The following LOC112694756 variants were observed in gnomAD, a reference collection of about 807,000 sequenced individuals.
At chr16:30,069,807 C>G in the LOC112694756 span, 1 of 1,613,906 alleles carries the variant, frequency 6.2e-7, no homozygotes, top group Non-Finnish European at 8.5e-7. Flanking sequence ...CACAGCCCCT[C>G]TCGCCTCACC....
At chr16:30,054,638 T>C in the LOC112694756 span, 1 of 396,892 alleles carries the variant, frequency 2.5e-6, no homozygotes, top group Non-Finnish European at 4.4e-6. Flanking sequence ...CACAAGATAA[T>C]GAGTCAGGGT....
At chr16:30,067,300 C>T in the LOC112694756 span, 2 of 1,612,954 alleles carry the variant, frequency 1.2e-6, no homozygotes, top group Non-Finnish European at 1.7e-6. Flanking sequence ...GAAGAAGGAG[C>T]TGTCTGACAT....
chr16:30,058,895 TG>T, the LOC112694756 span: 3 of 398,082 alleles, frequency 7.5e-6, no homozygotes, highest in Non-Finnish European at 1.3e-5. Flanking sequence ...TCTAGGGCCT[TG>T]GGGACTCAGC....
the LOC112694756 span, chr16:30,058,959 GGA>G: frequency 2.0e-5 from 8 of 398,444 alleles, no homozygotes; most frequent in Non-Finnish European, 3.5e-5. Flanking sequence ...TTCTGGTGAT[GGA>G]GAGAGAGAAA....
the LOC112694756 span, chr16:30,067,771 G>A: frequency 1.5e-6 from 2 of 1,300,050 alleles, no homozygotes; most frequent in South Asian, 1.2e-5. Flanking sequence ...GACTTGCATG[G>A]AGCCTGCTTC....
the LOC112694756 span, chr16:30,067,107 G>A: frequency 7.0e-6 from 11 of 1,569,548 alleles, no homozygotes; most frequent in Non-Finnish European, 9.5e-6. Flanking sequence ...GTGCCCCAGG[G>A]CCTGCTGGGT....
At chr16:30,067,359 G>A in the LOC112694756 span, 2 of 1,614,066 alleles carry the variant, frequency 1.2e-6, no homozygotes, top group Non-Finnish European at 1.7e-6. Flanking sequence ...CTGCAGATGA[G>A]TCCACTGGTG....
the LOC112694756 span, among the ~76,000 whole-genome samples, chr16:30,061,977 C>T: frequency 1.3e-5 from 2 of 150,008 alleles, no homozygotes. Flanking sequence ...CCGAGGTGGG[C>T]GGATCACCTG....
chr16:30,065,297 G>A, the LOC112694756 span, among the ~76,000 whole-genome samples: 1 of 152,210 alleles, frequency 6.6e-6, no homozygotes, highest in East Asian at 1.9e-4. Context: ...GCTAACGCAC[G>A]ACTGCGCGAT....
chr16:30,067,604 T>A, the LOC112694756 span: 1 of 1,614,066 alleles, frequency 6.2e-7, no homozygotes, highest in Non-Finnish European at 8.5e-7. Flanking sequence ...AGAAGGCGGA[T>A]GATGGGCGTC....
chr16:30,057,636 T>G, the LOC112694756 span, among the ~76,000 whole-genome samples: 1 of 152,146 alleles, frequency 6.6e-6, no homozygotes, highest in Non-Finnish European at 1.5e-5. Context: ...CTGGCATGTT[T>G]TCAGTTTTGA....
chr16:30,055,241 T>A, the LOC112694756 span: 2 of 399,510 alleles, frequency 5.0e-6, no homozygotes, highest in Admixed American at 8.8e-5. Flanking sequence ...CCCAGACTGC[T>A]GCTGGACCTG....
chr16:30,070,194 C>G, the LOC112694756 span: 5 of 1,614,174 alleles, frequency 3.1e-6, no homozygotes, highest in Non-Finnish European at 4.2e-6. Context: ...CCCTCTTCGT[C>G]TCTAACCACG....
At chr16:30,069,534 C>T in the LOC112694756 span, 19 of 1,614,020 alleles carry the variant, frequency 1.2e-5, no homozygotes, top group Non-Finnish European at 1.6e-5. Context: ...TGAGTGACCA[C>T]CACATCTACC....
At chr16:30,053,609 C>G in the LOC112694756 span, 5 of 152,730 alleles carry the variant, frequency 3.3e-5, no homozygotes, top group African/African-American at 1.2e-4. Context: ...CCAACAGAGA[C>G]TACAACCTGC....
chr16:30,068,503 T>C, the LOC112694756 span: 6 of 897,692 alleles, frequency 6.7e-6, no homozygotes, highest in Non-Finnish European at 1.1e-5. Context: ...CCTAGGAGGC[T>C]GAGGCGGGAG....
the LOC112694756 span, chr16:30,067,252 A>T: frequency 6.2e-7 from 1 of 1,612,268 alleles, no homozygotes; most frequent in East Asian, 2.2e-5. Context: ...TACTACCAGC[A>T]CCATGCCCTA....
chr16:30,066,287 G>A, the LOC112694756 span: 5 of 152,668 alleles, frequency 3.3e-5, no homozygotes, highest in African/African-American at 1.2e-4. Context: ...CTCGCAAGTG[G>A]GAGCTTGGTT....
At chr16:30,067,169 T>A in the LOC112694756 span, 1 of 1,606,864 alleles carries the variant, frequency 6.2e-7, no homozygotes, top group Non-Finnish European at 8.5e-7. Context: ...AGAGGGGCCC[T>A]GGTCATCGGG....
Sources: allele counts gnomAD v4.1 joint callset (sites outside exome capture counted in the v4.1 genomes callset), GRCh38; gene constraint gnomAD v4.1.1; transcripts MANE v1.5.